SAMD5: variants seen among roughly 807,000 people sequenced by gnomAD.
SAMD5 encodes the protein sterile alpha motif domain-containing protein 5.
A neutral mutation model predicts 11.3 loss-of-function variants in SAMD5; 13 were observed. The observed-to-expected ratio is 1.15, with a 90% CI of 0.75 to 1.83. The LOEUF is 1.83. Among genes scored for constraint, SAMD5 ranks in the 40% most tolerant of loss-of-function variants. The pLI is 0.00. For missense variants in SAMD5, 255 were observed against 239.1 expected (o/e 1.07, Z -0.44); for synonymous variants, 129 against 111.3 (o/e 1.16, Z -1.00).
chr6:147,924,488 C>T, the SAMD5 span, among the ~76,000 whole-genome samples: 1 of 152,062 alleles, frequency 6.6e-6, no homozygotes, highest in African/African-American at 2.4e-5. Flanking sequence ...CTTTTCAGAA[C>T]ATAAGCCTGA....
At chr6:147,651,832 G>A (rs1358236891) in intron 1 of SAMD5, among the ~76,000 whole-genome samples, 1 of 152,182 alleles carries the variant, frequency 6.6e-6, no homozygotes, top group Non-Finnish European at 1.5e-5. Flanking sequence ...TCACATTAGA[G>A]ATTCTTTTAC....
chr6:147,797,301 A>C, the SAMD5 span, among the ~76,000 whole-genome samples: 3 of 144,600 alleles, frequency 2.1e-5, no homozygotes, highest in African/African-American at 5.4e-5. Context: ...TTGTCAAAGG[A>C]CTTTTCTGCA....
chr6:147,540,295 G>A (rs1195391948), intron 1 of SAMD5, among the ~76,000 whole-genome samples: 1 of 152,200 alleles, frequency 6.6e-6, no homozygotes, highest in Non-Finnish European at 1.5e-5. Context: ...CTTAGCTACT[G>A]AGTCGGAGAG....
At chr6:147,726,839 G>C (rs746323134) in intron 1 of SAMD5, among the ~76,000 whole-genome samples, 63 of 152,142 alleles carry the variant, frequency 4.1e-4, no homozygotes, top group Non-Finnish European at 7.8e-4. Context: ...TATAATCGCT[G>C]TATAACAGCT....
chr6:147,804,195 C>T, the SAMD5 span, among the ~76,000 whole-genome samples: 2 of 151,606 alleles, frequency 1.3e-5, no homozygotes, highest in Non-Finnish European at 2.9e-5. Flanking sequence ...GCAACTTCCA[C>T]CTCTTGAGTT....
chr6:147,718,541 A>T (rs1437597279), intron 1 of SAMD5, among the ~76,000 whole-genome samples: 2 of 152,206 alleles, frequency 1.3e-5, no homozygotes, highest in African/African-American at 4.8e-5. Flanking sequence ...ACTGAAGTAG[A>T]AAAAGAATAG....
chr6:147,577,008 G>A (rs1562324991), intron 1 of SAMD5, among the ~76,000 whole-genome samples: 1 of 152,170 alleles, frequency 6.6e-6, no homozygotes. Context: ...GATTCTACCT[G>A]TTTTGTCTTA....
intron 1 of SAMD5, among the ~76,000 whole-genome samples, chr6:147,657,591 T>C (rs1431323220): frequency 1.3e-5 from 2 of 152,308 alleles, no homozygotes; most frequent in African/African-American, 2.4e-5. Context: ...CAAAATACCA[T>C]GAATCAGGTG....
At chr6:147,660,994 C>T (rs1415507783) in intron 1 of SAMD5, among the ~76,000 whole-genome samples, 5 of 152,150 alleles carry the variant, frequency 3.3e-5, no homozygotes, top group Non-Finnish European at 7.3e-5. Flanking sequence ...CTTTTTCTGC[C>T]AAGGTGCTCA....
intron 1 of SAMD5, among the ~76,000 whole-genome samples, chr6:147,685,652 T>C (rs1051604654): frequency 3.3e-5 from 5 of 152,238 alleles, no homozygotes; most frequent in African/African-American, 9.6e-5. Context: ...CAACTATTTC[T>C]TCTCTAATTT....
At chr6:147,617,997 C>T (rs1405205042) in intron 1 of SAMD5, among the ~76,000 whole-genome samples, 1 of 152,094 alleles carries the variant, frequency 6.6e-6, no homozygotes, top group Non-Finnish European at 1.5e-5. Flanking sequence ...TATTGAGTGC[C>T]TAATAAGAAT....
the SAMD5 span, among the ~76,000 whole-genome samples, chr6:147,784,745 T>C: frequency 2.6e-5 from 4 of 152,206 alleles, no homozygotes; most frequent in Non-Finnish European, 2.9e-5. Flanking sequence ...CTTTTATAGA[T>C]TGAAGGAAAT....
At chr6:147,914,252 A>G in the SAMD5 span, among the ~76,000 whole-genome samples, 3 of 150,312 alleles carry the variant, frequency 2.0e-5, no homozygotes, top group Admixed American at 1.3e-4. Context: ...AATGTGGCCC[A>G]GGGAAGCCAA....
At chr6:147,824,028 T>C in the SAMD5 span, among the ~76,000 whole-genome samples, 1 of 152,208 alleles carries the variant, frequency 6.6e-6, no homozygotes, top group South Asian at 2.1e-4. Context: ...ACCCAAGGCC[T>C]CTCAGCAAAG....
intron 1 of SAMD5, among the ~76,000 whole-genome samples, chr6:147,638,596 A>G (rs1445770009): frequency 2.0e-5 from 3 of 152,074 alleles, no homozygotes; most frequent in Non-Finnish European, 4.4e-5. Flanking sequence ...CTCAGTTTTG[A>G]GGCATTATTT....
the SAMD5 span, among the ~76,000 whole-genome samples, chr6:147,894,978 A>G: frequency 1.3e-5 from 2 of 152,346 alleles, no homozygotes; most frequent in East Asian, 3.9e-4. Flanking sequence ...GCTCAAGGCA[A>G]AGTGGAATTT....
intron 1 of SAMD5, among the ~76,000 whole-genome samples, chr6:147,560,687 T>C (rs1033224362): frequency 6.6e-6 from 1 of 152,148 alleles, no homozygotes; most frequent in African/African-American, 2.4e-5. Flanking sequence ...ATCAGAGTAA[T>C]CAACTGAGAA....
chr6:147,579,868 A>G (rs1349273682), intron 1 of SAMD5, among the ~76,000 whole-genome samples: 2 of 152,198 alleles, frequency 1.3e-5, no homozygotes, highest in Admixed American at 1.3e-4. Context: ...TTTTCATGCA[A>G]CAAATATGTG....
chr6:147,663,791 C>CAAAAA (rs199707045), intron 1 of SAMD5, among the ~76,000 whole-genome samples: 1 of 83,078 alleles, frequency 1.2e-5, no homozygotes, highest in Non-Finnish European at 2.1e-5. Flanking sequence ...AACTCTGTCT[C>CAAAAA]AAAAAAAAAA....
Sources: gnomAD v4.1 joint callset for allele counts (sites outside exome capture counted in the v4.1 genomes callset) on GRCh38, gnomAD v4.1.1 for gene constraint, MANE v1.5 for transcripts, NCBI Gene and HGNC (gene_info 2026-07-23, HGNC 2026-07-21) for gene names.